The following PCDH9 variants were observed in gnomAD, a reference collection of about 807,000 sequenced individuals.
PCDH9 encodes the protein protocadherin 9.
PCDH9 carries 24 observed loss-of-function variants against 70.6 expected under a neutral mutation model. The observed-to-expected ratio is 0.34, with a 90% CI of 0.25 to 0.48. PCDH9 has a LOEUF of 0.48. Among genes scored for constraint, PCDH9 ranks in the 20% least tolerant of loss-of-function variants. PCDH9 has a pLI of 0.99. For missense variants in PCDH9, 1,281 were observed against 1,503.6 expected, an observed-to-expected ratio of 0.85 and a Z score of 2.45; for synonymous variants, 562 against 558.5, an observed-to-expected ratio of 1.01 and a Z score of -0.09.
chr13:66,893,076 T>C (rs1431180091), intron 3 of PCDH9, among the ~76,000 whole-genome samples: 1 of 152,132 alleles, frequency 6.6e-6, no homozygotes, highest in East Asian at 1.9e-4. Context: ...TCATTTATAA[T>C]CAAATAATTT....
intron 4 of PCDH9, among the ~76,000 whole-genome samples, chr13:66,542,819 C>A (rs1288739822): frequency 6.8e-6 from 1 of 147,350 alleles, no homozygotes; most frequent in Non-Finnish European, 1.5e-5. Context: ...ATATATCTAT[C>A]TCCCATTGGT....
intron 4 of PCDH9, among the ~76,000 whole-genome samples, chr13:66,520,482 A>C (rs1206155937): frequency 6.6e-6 from 1 of 152,206 alleles, no homozygotes; most frequent in Non-Finnish European, 1.5e-5. Flanking sequence ...TCTGCAGATC[A>C]TCTTTCAGGT....
intron 3 of PCDH9, among the ~76,000 whole-genome samples, chr13:66,729,498 C>A (rs1001725843): frequency 2.0e-5 from 3 of 152,080 alleles, no homozygotes; most frequent in Admixed American, 6.6e-5. Context: ...AATCTTTATA[C>A]CTTCCTCTTA....
intron 4 of PCDH9, among the ~76,000 whole-genome samples, chr13:66,416,965 G>A (rs1957471545): frequency 6.6e-6 from 1 of 152,166 alleles, no homozygotes; most frequent in African/African-American, 2.4e-5. Flanking sequence ...CTGTTATAAT[G>A]TTATGAAGTA....
intron 3 of PCDH9, among the ~76,000 whole-genome samples, chr13:66,864,261 T>C (rs936454573): frequency 6.6e-6 from 1 of 152,122 alleles, no homozygotes; most frequent in African/African-American, 2.4e-5. Context: ...CTGCATGGCA[T>C]GTCTCATTTT....
chr13:66,818,690 T>C (rs1401935275), intron 3 of PCDH9, among the ~76,000 whole-genome samples: 1 of 152,118 alleles, frequency 6.6e-6, no homozygotes, highest in Non-Finnish European at 1.5e-5. Context: ...CCCAGCACTT[T>C]GGGAGGCCGA....
Position 66,663,706 on chromosome 13 carries a change from C to A in PCDH9, c.3139-32295G>T, listed in dbSNP as rs577046207. On this transcript the variant is annotated intron_variant, in intron 3 of 4. Coordinates refer to ENST00000377865, the MANE Select transcript of PCDH9 (RefSeq NM_203487.3). ...AAAATTAGTTAATCTTTATAAAAAT[C>A]GAAATATCCTAAGTCTCTTTCAAAT... Among the ~76,000 whole-genome samples the A allele has an allele frequency of 7.4e-4, 113 of 152,212 alleles. No individual in the cohort carries two copies. In the South Asian group the frequency reaches 0.011, roughly 15 times the overall value.
At chr13:66,598,296 G>T (rs540245293) in intron 4 of PCDH9, among the ~76,000 whole-genome samples, 9 of 151,856 alleles carry the variant, frequency 5.9e-5, no homozygotes, top group Admixed American at 4.6e-4. Context: ...CTATTCTAAA[G>T]ATAACCTAAT....
rs544443065 is a variant in PCDH9 at position 67,167,508 on chromosome 13, C to T, written c.3036+57897G>A. Among the ~76,000 whole-genome samples, 237 of 152,214 alleles carry T rather than the reference C, an allele frequency of 1.6e-3. 2 individuals are homozygous for T. Among genetic ancestry groups the T allele is most frequent in the South Asian group, 0.013 (63 of 4,818 alleles). On this transcript the variant is annotated intron_variant, in intron 2 of 4. Transcript: ENST00000377865. ...TTTGATGAAGCCACTTTTCATCAAA[C>T]TTTTCCTTAACCATAGAAAAGCTTT...
intron 4 of PCDH9, among the ~76,000 whole-genome samples, chr13:66,403,236 C>T (rs1019919377): frequency 1.3e-5 from 2 of 151,880 alleles, no homozygotes; most frequent in Non-Finnish European, 2.9e-5. Context: ...ACTTTACAGG[C>T]TCAAGCAATC....
intron 2 of PCDH9, among the ~76,000 whole-genome samples, chr13:66,951,247 T>C (rs369974894): frequency 2.0e-5 from 3 of 152,174 alleles, no homozygotes; most frequent in East Asian, 3.9e-4. Flanking sequence ...ATAATGTAAA[T>C]AGTGATATAA....
At position 66,620,188 on chromosome 13, in the gene PCDH9, C is replaced by T. The variant is rs77289394; in HGVS notation, c.3340+11022G>A. On this transcript the variant is annotated intron_variant, in intron 4 of 4. Transcript: ENST00000377865. Reference sequence around the variant, plus strand: ...TCCAAAATTCAAAATCTGGGCCCAACCTATGTCTCAATCCATTTATTCTGT... The same window carrying T: ...TCCAAAATTCAAAATCTGGGCCCAATCTATGTCTCAATCCATTTATTCTGT... 1.6e-4 allele frequency among the ~76,000 whole-genome samples: 25 copies of T among 152,264 alleles called. No individual in the cohort carries two copies. In the East Asian group the frequency reaches 4.8e-3, roughly 29 times the overall value.
intron 4 of PCDH9, among the ~76,000 whole-genome samples, chr13:66,327,476 T>C (rs899029748): frequency 6.6e-6 from 1 of 152,214 alleles, no homozygotes; most frequent in African/African-American, 2.4e-5. Flanking sequence ...ATGTCCTTTG[T>C]GTGTCTTCCC....
At chr13:67,079,279 T>C (rs2085938458) in intron 2 of PCDH9, among the ~76,000 whole-genome samples, 1 of 152,150 alleles carries the variant, frequency 6.6e-6, no homozygotes, top group Non-Finnish European at 1.5e-5. Flanking sequence ...CATTAAAATA[T>C]TATAACAGTC....
chr13:66,757,768 CTTA>C (rs1342643939), intron 3 of PCDH9, among the ~76,000 whole-genome samples: 1 of 152,024 alleles, frequency 6.6e-6, no homozygotes, highest in Non-Finnish European at 1.5e-5. Context: ...CATTAATCAT[CTTA>C]TTATCAATTA....
At chr13:66,313,300 T>C (rs1270346752) in intron 4 of PCDH9, among the ~76,000 whole-genome samples, 1 of 152,220 alleles carries the variant, frequency 6.6e-6, no homozygotes, top group Non-Finnish European at 1.5e-5. Context: ...ATTTCTTGTA[T>C]TAGTATTTCA....
rs144396017 is a variant in PCDH9, at chr13:66,752,354, C to T, written c.3139-120943G>A. Among the ~76,000 whole-genome samples the T allele has an allele frequency of 3.2e-3, 484 of 152,198 alleles. 2 individuals are homozygous for T. The highest frequency in any genetic ancestry group is 9.9e-3 in the African/African-American group (413 of 41,526). On this transcript the variant is annotated intron_variant, in intron 3 of 4. Transcript: ENST00000377865. ...TATTTATTTGTTTTGAGATATGCAA[C>T]GGTGCAATCTTGGCTCGCTGCAGCC...
At chr13:66,313,739 T>G (rs1955604147) in intron 4 of PCDH9, among the ~76,000 whole-genome samples, 1 of 152,166 alleles carries the variant, frequency 6.6e-6, no homozygotes, top group Admixed American at 6.5e-5. Flanking sequence ...ACTAATAATA[T>G]AACTTCAGCC....
At chr13:67,175,503 C>T (rs908888151) in intron 2 of PCDH9, among the ~76,000 whole-genome samples, 1 of 152,152 alleles carries the variant, frequency 6.6e-6, no homozygotes, top group Admixed American at 6.6e-5. Context: ...GGTCTATACC[C>T]ATGAATACAT....
Sources: gnomAD v4.1 joint callset for allele counts (sites outside exome capture counted in the v4.1 genomes callset) on GRCh38, gnomAD v4.1.1 for gene constraint, MANE v1.5 for transcripts, NCBI Gene and HGNC (gene_info 2026-07-23, HGNC 2026-07-21) for gene names.